KCNJ15: variants seen among roughly 807,000 people sequenced by gnomAD.
KCNJ15 encodes the protein ATP-sensitive inward rectifier potassium channel 15.
In KCNJ15, 14 loss-of-function variants were observed where a neutral mutation model predicts 23.0. That is an observed-to-expected ratio of 0.61 (90% CI 0.40 to 0.95). The LOEUF (loss-of-function observed/expected upper bound fraction) is 0.95. KCNJ15 is among the 40% of genes least tolerant of loss of function. KCNJ15 has a pLI of 0.00. For missense variants in KCNJ15, 388 were observed against 461.8 expected (o/e 0.84, Z 1.46); for synonymous variants, 185 against 183.2 (o/e 1.01, Z -0.08).
intron 1 of KCNJ15, among the ~76,000 whole-genome samples, chr21:38,248,048 G>A (rs977565963): frequency 9.9e-5 from 15 of 152,168 alleles, no homozygotes; most frequent in Admixed American, 5.2e-4. Context: ...TACAATTCAA[G>A]TAAACATTTT....
At chr21:38,294,432 A>G (rs1001120562) in intron 1 of KCNJ15, among the ~76,000 whole-genome samples, 2 of 152,172 alleles carry the variant, frequency 1.3e-5, no homozygotes, top group Non-Finnish European at 2.9e-5. Flanking sequence ...CTGAAGGCCT[A>G]GTTGAGGAAC....
chr21:38,299,152 T>G lies in KCNJ15; in HGVS notation c.-18-92T>G. On this transcript the variant is annotated intron_variant, in intron 2 of 2. Coordinates refer to ENST00000398938, the MANE Select transcript of KCNJ15 (RefSeq NM_170736.3). The surrounding 1 kb of genome is among the most constrained non-coding windows in gnomAD (Gnocchi z 4.5). ...AATTCTCCTTTCTTGTGTACTTCCA[T>G]GTACATTCATACTTACTTCACATGA... 2.0e-6 allele frequency: 2 copies of G among 977,362 alleles called. No individual in the cohort carries two copies. Among genetic ancestry groups the G allele is most frequent in the Non-Finnish European group, 3.1e-6 (2 of 645,858 alleles). The allele number at this position is 977,362 out of a possible 1,614,324, so 60.5% of individuals were successfully genotyped here.
At chr21:38,251,429 AAGCCATGCTG>A (rs1363939101) in intron 1 of KCNJ15, among the ~76,000 whole-genome samples, 2 of 152,210 alleles carry the variant, frequency 1.3e-5, no homozygotes, top group African/African-American at 4.8e-5. Context: ...CTCAATTCTG[AAGCCATGCTG>A]CTGATAGGGA....
chr21:38,251,536 C>G (rs1248475691), intron 1 of KCNJ15, among the ~76,000 whole-genome samples: 1 of 152,190 alleles, frequency 6.6e-6, no homozygotes, highest in Non-Finnish European at 1.5e-5. Flanking sequence ...CTTCATGCAC[C>G]CAACTTTTAA....
At chr21:38,230,888 T>C (rs1435124367) in intron 1 of KCNJ15, among the ~76,000 whole-genome samples, 2 of 152,100 alleles carry the variant, frequency 1.3e-5, no homozygotes, top group African/African-American at 4.8e-5. Context: ...TCAAGATTCT[T>C]TTGGCTACTC....
chr21:38,307,187 CCAGA>C lies in KCNJ15; in HGVS notation c.*6802_*6805del, dbSNP rs1222095737. 6.6e-6 allele frequency: 1 copy of C among 152,192 alleles called. No homozygotes were observed. The highest frequency in any genetic ancestry group is 2.4e-5 in the African/African-American group (1 of 41,458). The allele number at this position is 152,192 out of a possible 1,614,324, so 9.4% of individuals were successfully genotyped here. ...ATCACTGAACCCAATCATACAATGACCAGACAGCTTTAAATACCTACTTTTGTAT... is the reference window on the plus strand; with the variant it reads ...ATCACTGAACCCAATCATACAATGACCAGCTTTAAATACCTACTTTTGTAT... On this transcript the variant is annotated 3_prime_UTR_variant, in exon 3 of 3. Transcript: ENST00000398938.
intron 1 of KCNJ15, among the ~76,000 whole-genome samples, chr21:38,239,341 T>G (rs1023591349): frequency 6.6e-6 from 1 of 152,212 alleles, no homozygotes; most frequent in African/African-American, 2.4e-5. Context: ...TATGTTCAAT[T>G]CAATAGCTAG....
intron 1 of KCNJ15, among the ~76,000 whole-genome samples, chr21:38,265,631 G>T (rs1981377926): frequency 6.6e-6 from 1 of 152,206 alleles, no homozygotes; most frequent in Non-Finnish European, 1.5e-5. Context: ...TCTGCAGGAG[G>T]CTGGGTGGTC....
At chr21:38,298,123 AC>A (rs1400818556) in intron 2 of KCNJ15, 1 of 152,164 alleles carries the variant, frequency 6.6e-6, no homozygotes, top group African/African-American at 2.4e-5. Context: ...CTCTGTAATC[AC>A]CCGCATTATC....
At chr21:38,266,049 G>T (rs1301500819) in intron 1 of KCNJ15, among the ~76,000 whole-genome samples, 1 of 152,162 alleles carries the variant, frequency 6.6e-6, no homozygotes, top group Non-Finnish European at 1.5e-5. Context: ...GAATGGGAGA[G>T]TGAGGGCCAC....
Position 38,305,222 on chromosome 21 carries a change from T to G in KCNJ15, c.*4833T>G, listed in dbSNP as rs1986018065. On this transcript the variant is annotated 3_prime_UTR_variant, in exon 3 of 3. Transcript: ENST00000398938. ...ATTTCTTTTCAACATCATACATGCT[T>G]GGTTGACTGTTTCTTCATATTTGCT... 2 of 152,184 alleles carry G rather than the reference T, an allele frequency of 1.3e-5. No individual in the cohort carries two copies. 9.4% of individuals were successfully genotyped at this position (152,184 alleles called of 1,614,324 possible). A position where few individuals can be genotyped will look rare whatever the true frequency, so the allele number is the denominator to read the frequency against.
intron 1 of KCNJ15, among the ~76,000 whole-genome samples, chr21:38,264,956 A>G (rs1216692184): frequency 1.3e-5 from 2 of 152,230 alleles, no homozygotes; most frequent in Admixed American, 6.5e-5. Flanking sequence ...AGGGTTCAGC[A>G]TGGGAGTGTG....
chr21:38,265,116 C>T (rs762296122), intron 1 of KCNJ15, among the ~76,000 whole-genome samples: 7 of 152,194 alleles, frequency 4.6e-5, no homozygotes, highest in East Asian at 1.9e-4. Context: ...CTCCTTCAAA[C>T]GCTATGTCTA....
At chr21:38,263,030 C>T (rs184651213) in intron 1 of KCNJ15, among the ~76,000 whole-genome samples, 7 of 152,220 alleles carry the variant, frequency 4.6e-5, no homozygotes, top group Non-Finnish European at 8.8e-5. Context: ...TAATGTCAAA[C>T]GACTTGATTC....
rs531254892 is a variant in KCNJ15 at position 38,266,393 on chromosome 21, G to A, written c.-117+9208G>A. On this transcript the variant is annotated intron_variant, in intron 1 of 2. Coordinates refer to ENST00000398938, the MANE Select transcript of KCNJ15 (RefSeq NM_170736.3). Reference sequence around the variant, plus strand: ...TATGAATGAGAATATGCGGTGTTTGGTTTTCTGTTCTTGTGTTAGTTTGCT... The same window carrying A: ...TATGAATGAGAATATGCGGTGTTTGATTTTCTGTTCTTGTGTTAGTTTGCT... 8.5e-5 allele frequency among the ~76,000 whole-genome samples: 13 copies of A among 152,222 alleles called. No homozygotes were observed. The South Asian group carries it at 2.7e-3, about 32-fold the overall frequency.
chr21:38,268,755 G>A (rs1981767223), intron 1 of KCNJ15: 1 of 152,040 alleles, frequency 6.6e-6, no homozygotes, highest in South Asian at 2.1e-4. Flanking sequence ...CAATACTCTT[G>A]GGAAAGGTGC....
intron 2 of KCNJ15, among the ~76,000 whole-genome samples, chr21:38,297,609 A>T (rs934885433): frequency 6.6e-6 from 1 of 152,204 alleles, no homozygotes; most frequent in South Asian, 2.1e-4. Context: ...TTCATTTCCA[A>T]ACCTTTATTG....
chr21:38,293,404 ACCC>A (rs1029526499), intron 1 of KCNJ15, among the ~76,000 whole-genome samples: 1 of 151,586 alleles, frequency 6.6e-6, no homozygotes, highest in Non-Finnish European at 1.5e-5. Context: ...CACACACCCC[ACCC>A]CCGCTACGCC....
At chr21:38,281,011 G>A (rs1192913240) in intron 1 of KCNJ15, among the ~76,000 whole-genome samples, 1 of 152,178 alleles carries the variant, frequency 6.6e-6, no homozygotes, top group Non-Finnish European at 1.5e-5. Flanking sequence ...CGTTTGCTAT[G>A]CAGAGTGTGA....
Sources: gnomAD v4.1 joint callset for allele counts (sites outside exome capture counted in the v4.1 genomes callset) on GRCh38, gnomAD v4.1.1 for gene constraint, Gnocchi (gnomAD v3.1) non-coding constraint, MANE v1.5 for transcripts, NCBI Gene and HGNC (gene_info 2026-07-23, HGNC 2026-07-21) for gene names.